The following GLIS1 variants were observed in gnomAD, a reference collection of about 807,000 sequenced individuals.
GLIS1 encodes zinc finger protein GLIS1.
A neutral mutation model predicts 63.8 loss-of-function variants in GLIS1; 24 were observed. That is an observed-to-expected ratio of 0.38 (90% CI 0.27 to 0.53). The LOEUF (loss-of-function observed/expected upper bound fraction) is 0.53. Ranked by LOEUF, GLIS1 falls within the 20% of genes least tolerant of loss-of-function variation. GLIS1 has a pLI of 0.85. For synonymous variants in GLIS1, 450 were observed against 482.5 expected, an observed-to-expected ratio of 0.93 and a Z score of 0.88; for missense variants, 1,036 against 1,074.1, an observed-to-expected ratio of 0.96 and a Z score of 0.50.
intron 2 of GLIS1, among the ~76,000 whole-genome samples, chr1:53,642,897 A>G (rs1201795192): frequency 6.6e-6 from 1 of 152,216 alleles, no homozygotes; most frequent in Admixed American, 6.5e-5. Context: ...CTCTGTCCCC[A>G]GTGCCCAGTG....
rs1645341749 is a variant in GLIS1 at position 53,603,704 on chromosome 1, AG to A, written c.260-3427del. On this transcript the variant is annotated intron_variant, in intron 2 of 10. Coordinates refer to ENST00000628545, the MANE Select transcript of GLIS1 (RefSeq NM_001367484.1). The stretch of plus-strand genomic sequence containing the variant: ...GGGGGAGCAGGGGTGCCCTAGAAAG[AG>A]GTTGGCACCCGCAACCATGTCTCAC... 2.0e-5 allele frequency among the ~76,000 whole-genome samples: 3 copies of A among 152,212 alleles called. No homozygotes were observed. In the South Asian group the frequency reaches 6.2e-4, roughly 32 times the overall value.
intron 4 of GLIS1, among the ~76,000 whole-genome samples, chr1:53,557,665 T>C (rs975107629): frequency 6.6e-6 from 1 of 152,206 alleles, no homozygotes; most frequent in African/African-American, 2.4e-5. Context: ...ATGGTGTCGT[T>C]GAGCAGCTAC....
intron 2 of GLIS1, among the ~76,000 whole-genome samples, chr1:53,651,860 G>A (rs1430701234): frequency 7.0e-6 from 1 of 142,036 alleles, no homozygotes; most frequent in African/African-American, 2.7e-5. Flanking sequence ...GGCAACAGAC[G>A]AAGATCTTGT....
rs1276658529 is a variant in GLIS1, at chr1:53,539,017, G to C, written c.1321-9065C>G. ...CAGGTGGGATCCAGGGGCTCTCCCA[G>C]TGCAGAGCTGTGGCTAGACATCGTC... On this transcript the variant is annotated intron_variant, in intron 4 of 10. Coordinates refer to ENST00000628545, the MANE Select transcript of GLIS1 (RefSeq NM_001367484.1). This position sits in a 1 kb window ranked among gnomAD's most constrained non-coding sequence, Gnocchi z 5.0. Among the ~76,000 whole-genome samples the C allele has an allele frequency of 3.9e-5, 6 of 152,072 alleles. No homozygotes were observed. The highest frequency in any genetic ancestry group is 8.8e-5 in the Non-Finnish European group (6 of 67,998).
chr1:53,524,114 C>T (rs555450555), intron 6 of GLIS1, among the ~76,000 whole-genome samples: 17 of 152,360 alleles, frequency 1.1e-4, no homozygotes, highest in African/African-American at 3.6e-4. Context: ...TACTCCTGAC[C>T]GCAGCTGTCT....
intron 2 of GLIS1, among the ~76,000 whole-genome samples, chr1:53,606,932 G>A (rs1313582637): frequency 2.6e-5 from 4 of 152,156 alleles, no homozygotes; most frequent in East Asian, 1.9e-4. Context: ...ACGGCGCCGC[G>A]GAGACACCCG....
chr1:53,738,881 G>A (rs1178481621), intron 1 of GLIS1, among the ~76,000 whole-genome samples: 1 of 152,176 alleles, frequency 6.6e-6, no homozygotes, highest in South Asian at 2.1e-4. Flanking sequence ...GCTCAGCAGC[G>A]CACAACCACA....
chr1:53,657,395 T>C (rs561161319), intron 2 of GLIS1, among the ~76,000 whole-genome samples: 1 of 152,178 alleles, frequency 6.6e-6, no homozygotes, highest in South Asian at 2.1e-4. Flanking sequence ...GACCACAGAT[T>C]TGACACTATT....
chr1:53,641,261 G>A lies in GLIS1; in HGVS notation c.260-40983C>T, dbSNP rs142757852. On this transcript the variant is annotated intron_variant, in intron 2 of 10. Coordinates refer to ENST00000628545, the MANE Select transcript of GLIS1 (RefSeq NM_001367484.1). ...TGGGCAAGTCCTTACTCTTTCTGAGGCTGTTTCCTCATCTGTAAAATAGGG... is the reference window on the plus strand; with the variant it reads ...TGGGCAAGTCCTTACTCTTTCTGAGACTGTTTCCTCATCTGTAAAATAGGG... Among the ~76,000 whole-genome samples, 273 of 152,282 alleles carry A rather than the reference G, an allele frequency of 1.8e-3. 2 individuals are homozygous for A. Among genetic ancestry groups the A allele is most frequent in the African/African-American group, 6.1e-3 (254 of 41,568 alleles).
intron 2 of GLIS1, among the ~76,000 whole-genome samples, chr1:53,631,799 C>T (rs1187701395): frequency 6.6e-6 from 1 of 151,556 alleles, no homozygotes; most frequent in Non-Finnish European, 1.5e-5. Context: ...GTCTGGGTCT[C>T]GGGGGAGGGC....
intron 5 of GLIS1, 143 bp downstream of exon 5, chr1:53,529,648 C>A: frequency 2.5e-6 from 2 of 792,982 alleles, no homozygotes; most frequent in South Asian, 3.4e-5. Context: ...GCAGAGGACA[C>A]CATCCGACCC....
At chr1:53,620,511 A>G (rs1428986423) in intron 2 of GLIS1, among the ~76,000 whole-genome samples, 1 of 152,194 alleles carries the variant, frequency 6.6e-6, no homozygotes, top group African/African-American at 2.4e-5. Context: ...TTGGCCATGA[A>G]TGAGTACAGT....
At position 53,557,910 on chromosome 1, in the gene GLIS1, CATAA is replaced by C. The variant is rs1644849194; in HGVS notation, c.1321-27962_1321-27959del. On this transcript the variant is annotated intron_variant, in intron 4 of 10. Coordinates refer to ENST00000628545, the MANE Select transcript of GLIS1 (RefSeq NM_001367484.1). ...ATTGTTAACAGAAAAGCAGAAAACA[CATAA>C]ATAATCTTCCCTTTTGCATGAGTTT... is the stretch of plus-strand genomic sequence containing the variant. Among the ~76,000 whole-genome samples the C allele has an allele frequency of 2.6e-5, 4 of 152,340 alleles. No individual in the cohort carries two copies. The South Asian group carries it at 8.3e-4, about 32-fold the overall frequency.
At chr1:53,549,891 T>C (rs1644741327) in intron 4 of GLIS1, among the ~76,000 whole-genome samples, 1 of 152,172 alleles carries the variant, frequency 6.6e-6, no homozygotes, top group Non-Finnish European at 1.5e-5. Flanking sequence ...AGCACCCTGC[T>C]CAGGTCACCC....
intron 2 of GLIS1, among the ~76,000 whole-genome samples, chr1:53,730,488 T>C (rs1646849392): frequency 6.6e-6 from 1 of 152,138 alleles, no homozygotes. Context: ...TCAAGTCAGG[T>C]TTATAGTACT....
chr1:53,569,846 A>G (rs1265417834), intron 4 of GLIS1, among the ~76,000 whole-genome samples: 1 of 152,150 alleles, frequency 6.6e-6, no homozygotes, highest in Admixed American at 6.5e-5. Flanking sequence ...AATCACAACA[A>G]AAAGCATAAG....
intron 4 of GLIS1, among the ~76,000 whole-genome samples, chr1:53,542,144 C>T (rs1644649735): frequency 6.6e-6 from 1 of 152,214 alleles, no homozygotes; most frequent in African/African-American, 2.4e-5. Context: ...GCCAGAGGAG[C>T]CCCCTGGGCC....
intron 2 of GLIS1, among the ~76,000 whole-genome samples, chr1:53,696,676 C>T (rs562237937): frequency 3.3e-5 from 5 of 152,304 alleles, no homozygotes; most frequent in South Asian, 4.1e-4. Context: ...CGTGCCCTTC[C>T]GTGCAGCCAA....
intron 2 of GLIS1, among the ~76,000 whole-genome samples, chr1:53,602,992 A>G (rs542368378): frequency 9.8e-4 from 150 of 152,352 alleles, no homozygotes; most frequent in African/African-American, 3.5e-3. Flanking sequence ...AAGGCTCAGA[A>G]TGGTCAAAGC....
Sources: gnomAD v4.1 joint callset for allele counts (sites outside exome capture counted in the v4.1 genomes callset) on GRCh38, gnomAD v4.1.1 for gene constraint, Gnocchi (gnomAD v3.1) non-coding constraint, MANE v1.5 for transcripts, NCBI Gene and HGNC (gene_info 2026-07-23, HGNC 2026-07-21) for gene names.